Variants in SPTBN4 observed in about 807,000 individuals in gnomAD.
SPTBN4 encodes the protein spectrin beta chain, non-erythrocytic 4.
SPTBN4 carries 96 observed loss-of-function variants against 277.8 expected under a neutral mutation model. The ratio of observed to expected loss-of-function variants is 0.35; its 90% CI spans 0.29 to 0.41. SPTBN4 has a LOEUF of 0.41. Among genes scored for constraint, SPTBN4 ranks in the 10% least tolerant of loss-of-function variants. The pLI, the probability that SPTBN4 is intolerant of heterozygous loss-of-function variation, is 1.00. For missense variants in SPTBN4, 3,006 were observed against 3,595.7 expected (o/e 0.84, Z 4.19); for synonymous variants, 1,481 against 1,580.3 (o/e 0.94, Z 1.49).
At chr19:40,511,743 A>G (rs1183293626) in intron 13 of SPTBN4, among the ~76,000 whole-genome samples, 2 of 152,220 alleles carry the variant, frequency 1.3e-5, no homozygotes, top group Non-Finnish European at 2.9e-5. Context: ...TCTCTATTTT[A>G]AAAAGAAAAA....
chr19:40,530,675 C>T (rs2145894648), intron 18 of SPTBN4: 3 of 554,196 alleles, frequency 5.4e-6, no homozygotes, highest in East Asian at 1.6e-4. Flanking sequence ...GCCCGCCCGT[C>T]GTGGCCGCGG....
intron 13 of SPTBN4, among the ~76,000 whole-genome samples, chr19:40,508,644 T>C (rs180794485): frequency 2.0e-5 from 3 of 152,202 alleles, no homozygotes; most frequent in South Asian, 2.1e-4. Flanking sequence ...GCCTAGATCG[T>C]GCCACTGCAC....
intron 30 of SPTBN4, 88 bp downstream of exon 30, chr19:40,566,447 A>C: frequency 1.6e-6 from 2 of 1,252,884 alleles, no homozygotes; most frequent in Non-Finnish European, 1.1e-6. Flanking sequence ...ACACCGAGAC[A>C]TGGTGCTTGG....
intron 35 of SPTBN4, among the ~76,000 whole-genome samples, chr19:40,574,921 A>G (rs1425928760): frequency 6.6e-6 from 1 of 151,618 alleles, no homozygotes; most frequent in African/African-American, 2.4e-5. Flanking sequence ...AGACTGAGGC[A>G]CAAGAATCTC....
chr19:40,529,169 C>A, intron 18 of SPTBN4, 38 bp downstream of exon 18: 3 of 1,565,890 alleles, frequency 1.9e-6, no homozygotes, highest in African/African-American at 1.4e-5. Flanking sequence ...GAGACATCCC[C>A]TTTAGTCGGG....
Position 40,536,600 on chromosome 19 carries a change from T to G in SPTBN4, c.4359+2257T>G, listed in dbSNP as rs140229377. On this transcript the variant is annotated intron_variant, in intron 20 of 35. Transcript: ENST00000598249. ...CTTACACTCTTAAACCGCATTGAGATCCTTAGAAAGCTTTGTCTGTGTGGG... is the reference window on the plus strand; with the variant it reads ...CTTACACTCTTAAACCGCATTGAGAGCCTTAGAAAGCTTTGTCTGTGTGGG... 2.9e-3 allele frequency among the ~76,000 whole-genome samples: 446 copies of G among 152,252 alleles called. 1 individual carries two copies. Among genetic ancestry groups the G allele is most frequent in the Non-Finnish European group, 4.7e-3 (321 of 68,022 alleles).
At chr19:40,556,392 T>TGA in intron 25 of SPTBN4, 104 bp downstream of exon 25, 1 of 1,025,472 alleles carries the variant, frequency 9.8e-7, no homozygotes, top group Non-Finnish European at 1.4e-6. Context: ...ACCCGCCTCA[T>TGA]GGCTCTGCTG....
At chr19:40,539,005 A>T (rs144599130) in intron 20 of SPTBN4, among the ~76,000 whole-genome samples, 1 of 152,356 alleles carries the variant, frequency 6.6e-6, no homozygotes, top group Non-Finnish European at 1.5e-5. Flanking sequence ...GGGCTGGTCC[A>T]TGCAGGTCAG....
intron 12 of SPTBN4, among the ~76,000 whole-genome samples, chr19:40,505,723 G>GAAGGAAGGA (rs2080319905): frequency 6.7e-6 from 1 of 150,092 alleles, no homozygotes; most frequent in South Asian, 2.1e-4. Context: ...AGGAAGGAAG[G>GAAGGAAGGA]AAGGAAGGAA....
chr19:40,505,758 G>GGAAGAA (rs1342025693), intron 12 of SPTBN4, among the ~76,000 whole-genome samples: 122 of 151,834 alleles, frequency 8.0e-4, no homozygotes, highest in African/African-American at 2.8e-3. Flanking sequence ...AAGGAAGAAA[G>GGAAGAA]AAAGGTGAAC....
At position 40,515,426 on chromosome 19, in the gene SPTBN4, T is replaced by C; in HGVS notation, c.2881T>C (p.Cys961Arg). Residue 961 changes from cysteine (C) to arginine (R), a missense_variant, in exon 15 of 36, where the codon TGC becomes CGC. Physicochemically the swap from Cys to Arg is radical, Grantham distance 180. This residue lies in a region of SPTBN4 where 1,759 missense variants were observed against 2,061.5 expected (regional missense o/e 0.85). Coordinates refer to ENST00000598249, the MANE Select transcript of SPTBN4 (RefSeq NM_020971.3). This position sits in a 1 kb window ranked among gnomAD's most constrained non-coding sequence, Gnocchi z 4.1. The stretch of plus-strand genomic sequence containing the variant: ...CCCCAGTTCAGATGAGGTGCGTTCC[T>C]GCCAGGACCACCTCAACAGCAGGTA... ...GHPSSDEVRS[C>R]QDHLNSRWNR... 1 of 1,570,576 alleles carries C rather than the reference T, an allele frequency of 6.4e-7. No individual in the cohort carries two copies. Among genetic ancestry groups the C allele is most frequent in the Non-Finnish European group, 8.6e-7 (1 of 1,157,468 alleles).
At chr19:40,509,522 G>C (rs1202690256) in intron 13 of SPTBN4, among the ~76,000 whole-genome samples, 1 of 152,202 alleles carries the variant, frequency 6.6e-6, no homozygotes, top group Non-Finnish European at 1.5e-5. Flanking sequence ...TGGGATTACA[G>C]GTGTGAGGCA....
intron 24 of SPTBN4, 129 bp from the exon 25 acceptor site, chr19:40,555,955 C>G (rs1394661717): frequency 1.3e-6 from 1 of 767,004 alleles, no homozygotes. Context: ...AGAGCTCTAC[C>G]TGGGGACACA....
At position 40,513,441 on chromosome 19, in the gene SPTBN4, C is replaced by G; in HGVS notation, c.2652C>G (p.Tyr884Ter). The G allele has an allele frequency of 6.2e-7, 1 of 1,604,708 alleles. No individual in the cohort carries two copies. Among genetic ancestry groups the G allele is most frequent in the Non-Finnish European group, 8.5e-7 (1 of 1,178,590 alleles). ...GGCTGCGGGACGCGCTCGCTGTCTA[C>G]CGCATGTTTGGCGAGGTGCACGCGT... ...RQWLRDALAV[Y>*]RMFGEVHACE... The change falls in exon 14 of 36, where the codon TAC becomes TAG. Residue 884 changes from tyrosine to a stop codon, truncating the protein, a stop_gained. Transcript: ENST00000598249. LOFTEE classifies it high-confidence loss of function.
chr19:40,516,256 A>T (rs2080459639), intron 15 of SPTBN4, among the ~76,000 whole-genome samples: 1 of 141,866 alleles, frequency 7.0e-6, no homozygotes, highest in African/African-American at 2.7e-5. Flanking sequence ...AAAAAAAAAA[A>T]TTCCCAATAT....
In SPTBN4 at chr19:40,531,464, G is replaced by GTTTTTT. The variant is rs71173645; in HGVS notation, c.3949-1131_3949-1126dup. ...ACCGCGGAGCTGGAGTCCAGTGTTT[G>GTTTTTT]TTTTTTTTTTTTTTTTTTTTTTTTT... On this transcript the variant is annotated intron_variant, in intron 18 of 35. Transcript: ENST00000598249. Among the ~76,000 whole-genome samples the GTTTTTT allele has an allele frequency of 2.7e-3, 109 of 40,924 alleles. 14 individuals carry two copies. Among genetic ancestry groups the GTTTTTT allele is most frequent in the East Asian group, 5.6e-3 (4 of 712 alleles). The allele number at this position is 40,924 out of a possible 152,430, so 26.8% of individuals were successfully genotyped here.
chr19:40,534,541 T>C (rs1321445057), intron 20 of SPTBN4, 198 bp downstream of exon 20: 3 of 675,742 alleles, frequency 4.4e-6, no homozygotes, highest in Non-Finnish European at 7.3e-6. Context: ...CCCTAAGGTA[T>C]GGAGTACAAA....
At chr19:40,534,419 T>G in intron 20 of SPTBN4, 76 bp downstream of exon 20, 1 of 1,531,130 alleles carries the variant, frequency 6.5e-7, no homozygotes, top group Non-Finnish European at 8.8e-7. Flanking sequence ...CCACTCAAGG[T>G]ATGTCAAGTG....
At chr19:40,546,485 G>T (rs2080861760) in intron 20 of SPTBN4, among the ~76,000 whole-genome samples, 1 of 152,038 alleles carries the variant, frequency 6.6e-6, no homozygotes, top group South Asian at 2.1e-4. Flanking sequence ...CAAGAATATA[G>T]CAGTGAGTGT....
Sources: gnomAD v4.1 joint callset for allele counts (sites outside exome capture counted in the v4.1 genomes callset) on GRCh38, gnomAD v4.1.1 for gene constraint, gnomAD v4.1.1 regional missense constraint, Gnocchi (gnomAD v3.1) non-coding constraint, MANE v1.5 for transcripts, NCBI Gene and HGNC (gene_info 2026-07-23, HGNC 2026-07-21) for gene names.